SAXO1: variants seen among roughly 807,000 people sequenced by gnomAD.
SAXO1 encodes 4930500O09Rik.
A neutral mutation model predicts 17.5 loss-of-function variants in SAXO1; 21 were observed. That is an observed-to-expected ratio of 1.20 (90% CI 0.85 to 1.72). The LOEUF (loss-of-function observed/expected upper bound fraction) is 1.72. SAXO1 is among the 40% of genes most tolerant of loss of function. SAXO1 has a pLI of 0.00. For synonymous variants in SAXO1, 274 were observed against 216.5 expected (o/e 1.27, Z -2.33); for missense variants, 843 against 596.0 (o/e 1.41, Z -4.32).
intron 1 of SAXO1, among the ~76,000 whole-genome samples, chr9:18,980,231 G>C (rs547619003): frequency 1.3e-5 from 2 of 152,268 alleles, no homozygotes; most frequent in African/African-American, 2.4e-5. Flanking sequence ...CATTCATAAA[G>C]CTCTGTTTCT....
intron 1 of SAXO1, among the ~76,000 whole-genome samples, chr9:19,002,753 A>C (rs1401255226): frequency 1.3e-5 from 2 of 152,336 alleles, no homozygotes; most frequent in Non-Finnish European, 1.5e-5. Context: ...TCAAAATAGT[A>C]AGAGCTATTT....
intron 1 of SAXO1, among the ~76,000 whole-genome samples, chr9:18,959,286 G>A (rs756916799): frequency 1.3e-5 from 2 of 152,126 alleles, no homozygotes; most frequent in Non-Finnish European, 2.9e-5. Flanking sequence ...AAACAGATTC[G>A]CAGATAGGAA....
At chr9:18,975,009 A>G (rs1306471201) in intron 1 of SAXO1, among the ~76,000 whole-genome samples, 1 of 152,226 alleles carries the variant, frequency 6.6e-6, no homozygotes, top group Non-Finnish European at 1.5e-5. Flanking sequence ...GATCAAGGTT[A>G]GCATCATCAT....
chr9:18,928,438 A>G lies in SAXO1; in HGVS notation c.1039T>C (p.Trp347Arg), dbSNP rs1830875503. 2 of 1,609,268 alleles carry G rather than the reference A, an allele frequency of 1.2e-6. No homozygotes were observed. Among genetic ancestry groups the G allele is most frequent in the Non-Finnish European group, 1.7e-6 (2 of 1,177,258 alleles). The change falls in exon 4 of 4, where the codon TGG (tryptophan) becomes CGG (arginine). Residue 347 changes from tryptophan to arginine, a missense_variant. Transcript: ENST00000380534. ...SSTTKDDYKQWSSMRTEPVKP... is the reference protein window; with the variant it reads ...SSTTKDDYKQRSSMRTEPVKP... ...ACTGGCTCTGTGCGCATGCTGGACC[A>G]CTGCTTGTAGTCATCCTTGGTGGTG...
chr9:18,977,229 A>G (rs1213088766), intron 1 of SAXO1, among the ~76,000 whole-genome samples: 3 of 152,174 alleles, frequency 2.0e-5, no homozygotes, highest in Admixed American at 6.5e-5. Context: ...CAAAACCTCA[A>G]CTGAAAACTG....
chr9:18,927,891 A>T lies in SAXO1; in HGVS notation c.*161T>A. ...CGGTGATTAAATGTCATTTTCCCTGAGTCAAGTGATTCTCATTTTATTCAA... is the reference window on the plus strand; with the variant it reads ...CGGTGATTAAATGTCATTTTCCCTGTGTCAAGTGATTCTCATTTTATTCAA... On this transcript the variant is annotated 3_prime_UTR_variant, in exon 4 of 4. Transcript: ENST00000380534. 2.8e-6 allele frequency: 2 copies of T among 720,746 alleles called. No homozygotes were observed. The highest frequency in any genetic ancestry group is 4.3e-6 in the Non-Finnish European group (2 of 463,824). The allele number at this position is 720,746 out of a possible 1,614,324, so 44.6% of individuals were successfully genotyped here.
At chr9:18,989,535 AT>A (rs1240298603) in intron 1 of SAXO1, among the ~76,000 whole-genome samples, 1 of 148,450 alleles carries the variant, frequency 6.7e-6, no homozygotes, top group Non-Finnish European at 1.5e-5. Flanking sequence ...GCTAAAGGAA[AT>A]TTACTTTTTT....
intron 1 of SAXO1, among the ~76,000 whole-genome samples, chr9:19,021,909 G>C (rs1835250055): frequency 6.8e-6 from 1 of 146,498 alleles, no homozygotes; most frequent in Non-Finnish European, 1.5e-5. Context: ...AGAAGGATGT[G>C]GGCAGGGCCC....
chr9:18,938,174 T>C (rs1831376243), intron 3 of SAXO1, among the ~76,000 whole-genome samples: 2 of 152,136 alleles, frequency 1.3e-5, no homozygotes, highest in Admixed American at 1.3e-4. Flanking sequence ...GTACCAGAAG[T>C]TTAAGGAAAC....
At chr9:18,943,316 G>A (rs1021120918) in intron 2 of SAXO1, among the ~76,000 whole-genome samples, 1 of 152,166 alleles carries the variant, frequency 6.6e-6, no homozygotes, top group Non-Finnish European at 1.5e-5. Flanking sequence ...CCTTCCTAGG[G>A]GCCCTGCTGT....
Position 18,927,975 on chromosome 9 carries a change from T to G in SAXO1, c.*77A>C. Reference sequence around the variant, plus strand: ...TGTTTTTTGTCATTTTAGGGAATTCTTTTTTGTCCAACAAATAATTCTCAG... The same window carrying G: ...TGTTTTTTGTCATTTTAGGGAATTCGTTTTTGTCCAACAAATAATTCTCAG... On this transcript the variant is annotated 3_prime_UTR_variant, in exon 4 of 4. Coordinates refer to ENST00000380534, the MANE Select transcript of SAXO1 (RefSeq NM_153707.4). The G allele has an allele frequency of 6.9e-7, 1 of 1,440,966 alleles. No homozygotes were observed. Among genetic ancestry groups the G allele is most frequent in the Non-Finnish European group, 9.2e-7 (1 of 1,084,102 alleles). The allele number at this position is 1,440,966 out of a possible 1,614,324, so 89.3% of individuals were successfully genotyped here.
intron 1 of SAXO1, among the ~76,000 whole-genome samples, chr9:19,043,888 TA>T (rs1836138652): frequency 1.3e-5 from 2 of 152,170 alleles, no homozygotes; most frequent in South Asian, 4.1e-4. Context: ...CTCACGCCTA[TA>T]ATCCCAGCAC....
At chr9:19,007,018 C>G (rs1166586587) in intron 1 of SAXO1, among the ~76,000 whole-genome samples, 1 of 151,598 alleles carries the variant, frequency 6.6e-6, no homozygotes, top group African/African-American at 2.4e-5. Flanking sequence ...GCACTCCAGC[C>G]TGGGTAACAC....
rs1216220361 is a variant in SAXO1 at position 18,928,405 on chromosome 9, C to T, written c.1072G>A (p.Val358Ile). ...SSMRTEPVKP[V>I]PQLDLPTEPL... The stretch of plus-strand genomic sequence containing the variant: ...TCGGTGGGCAAGTCCAGCTGGGGAA[C>T]GGGCTTGACTGGCTCTGTGCGCATG... The change falls in exon 4 of 4, where the codon GTT (valine) becomes ATT (isoleucine). Residue 358 changes from valine to isoleucine, a missense_variant. Coordinates refer to ENST00000380534, the MANE Select transcript of SAXO1 (RefSeq NM_153707.4). The T allele has an allele frequency of 6.2e-6, 10 of 1,609,454 alleles. No homozygotes were observed. The highest frequency in any genetic ancestry group is 2.2e-5 in the East Asian group (1 of 44,790).
At chr9:18,988,090 C>T (rs997399510) in intron 1 of SAXO1, among the ~76,000 whole-genome samples, 6 of 152,152 alleles carry the variant, frequency 3.9e-5, no homozygotes, top group African/African-American at 1.4e-4. Flanking sequence ...TGCTTAACTA[C>T]AGAGAAAACA....
rs776660609 is a variant in SAXO1, at chr9:18,933,410, G to GA, written c.422-4356dup. ...TAATTGTCTTTTAAATGAATTAAAA[G>GA]AAAAAAATATCTTTTTAATGATTTA... is the stretch of plus-strand genomic sequence containing the variant. On this transcript the variant is annotated intron_variant, in intron 3 of 3. Transcript: ENST00000380534. Among the ~76,000 whole-genome samples the GA allele has an allele frequency of 4.0e-5, 6 of 150,632 alleles. No homozygotes were observed. The South Asian group carries it at 8.3e-4, about 21-fold the overall frequency.
chr9:18,941,562 C>T (rs1831558896), intron 3 of SAXO1, 75 bp downstream of exon 3: 3 of 1,560,580 alleles, frequency 1.9e-6, no homozygotes, highest in Admixed American at 1.7e-5. Context: ...TGAGTATGCA[C>T]ATAAAACACA....
intron 1 of SAXO1, among the ~76,000 whole-genome samples, chr9:18,980,231 GCT>G (rs1187250988): frequency 3.3e-5 from 5 of 152,150 alleles, no homozygotes; most frequent in African/African-American, 4.8e-5. Context: ...CATTCATAAA[GCT>G]CTGTTTCTGG....
chr9:18,962,835 G>A (rs564612992), intron 1 of SAXO1, among the ~76,000 whole-genome samples: 21 of 152,298 alleles, frequency 1.4e-4, no homozygotes, highest in Middle Eastern at 3.4e-3. Flanking sequence ...GGCTTTTGTC[G>A]CCATTGCTTT....
Sources: gnomAD v4.1 joint callset for allele counts (sites outside exome capture counted in the v4.1 genomes callset) on GRCh38, gnomAD v4.1.1 for gene constraint, MANE v1.5 for transcripts, NCBI Gene and HGNC (gene_info 2026-07-23, HGNC 2026-07-21) for gene names.